The following WHRN variants were observed in gnomAD, a reference collection of about 807,000 sequenced individuals.
The protein encoded by WHRN is whirlin, also known as CASK-interacting protein CIP98.
Under a neutral mutation model 68.3 loss-of-function variants are expected in WHRN, and 41 were observed. The observed-to-expected ratio is 0.60, with a 90% CI of 0.47 to 0.78. The LOEUF (loss-of-function observed/expected upper bound fraction) is 0.78. WHRN is among the 30% of genes least tolerant of loss of function. The probability of loss-of-function intolerance (pLI) is 0.00; values close to 1 mark genes in which losing one functional copy is unlikely to be tolerated. For synonymous variants in WHRN, 560 were observed against 561.3 expected (o/e 1.00, Z 0.03); for missense variants, 1,243 against 1,244.7 (o/e 1.00, Z 0.02).
At position 114,423,493 on chromosome 9, in the gene WHRN, T is replaced by C. The variant is rs761139020; in HGVS notation, c.1447A>G (p.Ile483Val). 2 of 1,611,818 alleles carry C rather than the reference T, an allele frequency of 1.2e-6. No individual in the cohort carries two copies. Among genetic ancestry groups the C allele is most frequent in the South Asian group, 2.2e-5 (2 of 91,034 alleles). ...FSLLSEVRGT[I>V]SPQDLERFDH... ...AAGCGTTCTAGGTCTTGCGGGGAAA[T>C]GGTGCCTCTCACCTCAGAGAGGAGT... is the stretch of plus-strand genomic sequence containing the variant. Residue 483 changes from isoleucine to valine, a missense_variant, in exon 7 of 12, where the codon ATT (isoleucine) becomes GTT (valine). Coordinates refer to ENST00000362057, the MANE Select transcript of WHRN (RefSeq NM_015404.4).
intron 1 of WHRN, among the ~76,000 whole-genome samples, chr9:114,497,265 G>A (rs1363826974): frequency 6.6e-6 from 1 of 152,082 alleles, no homozygotes; most frequent in Non-Finnish European, 1.5e-5. Flanking sequence ...CTCAGGTGGA[G>A]AGAAAAAAAA....
chr9:114,480,971 T>A (rs60029955), intron 1 of WHRN, among the ~76,000 whole-genome samples: 10,611 of 152,188 alleles, frequency 0.07, 1,240 homozygotes, highest in African/African-American at 0.24. Flanking sequence ...TGTTTCTCAA[T>A]ATTTTCTAAA....
chr9:114,403,347 T>C lies in WHRN; in HGVS notation c.2419-8A>G. On this transcript the variant is annotated splice_polypyrimidine_tract_variant and splice_region_variant and intron_variant, in intron 10 of 11. Transcript: ENST00000362057. The stretch of plus-strand genomic sequence containing the variant: ...GGGCTCCAGAAGTCCAGGCTGTGGG[T>C]ATTAGGAAGGACACCACTGAGGCCT... 1 of 1,613,584 alleles carries C rather than the reference T, an allele frequency of 6.2e-7. No homozygotes were observed. Among genetic ancestry groups the C allele is most frequent in the Non-Finnish European group, 8.5e-7 (1 of 1,179,904 alleles).
chr9:114,460,757 G>A (rs1018876234), intron 3 of WHRN, among the ~76,000 whole-genome samples: 3 of 152,184 alleles, frequency 2.0e-5, no homozygotes, highest in Admixed American at 2.0e-4. Context: ...GGAGCTAAGT[G>A]GGCTGAGCAG....
At chr9:114,478,184 AG>A (rs1464398754) in intron 2 of WHRN, 1 of 612,834 alleles carries the variant, frequency 1.6e-6, no homozygotes, top group Non-Finnish European at 2.9e-6. Flanking sequence ...GCTACTCAGG[AG>A]GCTGAGGCAC....
intron 7 of WHRN, among the ~76,000 whole-genome samples, chr9:114,410,684 A>G (rs1835375373): frequency 6.6e-6 from 1 of 152,242 alleles, no homozygotes; most frequent in South Asian, 2.1e-4. Flanking sequence ...CTTCAGGGGC[A>G]TAGTCAGGCA....
intron 7 of WHRN, among the ~76,000 whole-genome samples, chr9:114,417,610 C>G (rs1394912603): frequency 6.6e-6 from 1 of 151,954 alleles, no homozygotes; most frequent in Non-Finnish European, 1.5e-5. Context: ...TGTGTGAGCT[C>G]CATGCAGGAA....
Position 114,402,826 on chromosome 9 carries a change from G to A in WHRN, c.2652C>T (p.Ile884=), listed in dbSNP as rs1474851442. The change falls in exon 12 of 12, where the codon ATC becomes ATT. Residue 884 remains isoleucine (I), a synonymous_variant. Transcript: ENST00000362057. ...GKEHREAARI[I]AEAFKTKDRD... Reference sequence around the variant, plus strand: ...GGTCCTTAGTCTTGAAGGCCTCGGCGATAATGCGGGCGGCCTCCCGGTGCT... The same window carrying A: ...GGTCCTTAGTCTTGAAGGCCTCGGCAATAATGCGGGCGGCCTCCCGGTGCT... The A allele has an allele frequency of 8.7e-6, 14 of 1,614,012 alleles. No homozygotes were observed. In the Admixed American group the frequency reaches 1.7e-4, roughly 19 times the overall value.
At chr9:114,419,041 A>G (rs1283398618) in intron 7 of WHRN, among the ~76,000 whole-genome samples, 1 of 152,118 alleles carries the variant, frequency 6.6e-6, no homozygotes, top group Non-Finnish European at 1.5e-5. Flanking sequence ...GGAAGGGAGG[A>G]GAGAGGCAGA....
At chr9:114,472,980 A>T (rs1170790443) in intron 2 of WHRN, among the ~76,000 whole-genome samples, 1 of 152,218 alleles carries the variant, frequency 6.6e-6, no homozygotes, top group African/African-American at 2.4e-5. Flanking sequence ...CAAGCTTCAA[A>T]CCCAGTGCTG....
chr9:114,468,442 G>C (rs1315175262), intron 2 of WHRN, among the ~76,000 whole-genome samples: 1 of 152,036 alleles, frequency 6.6e-6, no homozygotes, highest in Non-Finnish European at 1.5e-5. Context: ...CCACTGCTTG[G>C]GAACAAAAAG....
intron 3 of WHRN, among the ~76,000 whole-genome samples, chr9:114,454,657 A>ACAATTC (rs1839617947): frequency 6.6e-6 from 1 of 151,522 alleles, no homozygotes; most frequent in African/African-American, 2.4e-5. Context: ...TAGATTCAAC[A>ACAATTC]CAATTCCAAT....
chr9:114,497,516 T>TAA (rs35793267), intron 1 of WHRN, among the ~76,000 whole-genome samples: 82 of 145,150 alleles, frequency 5.6e-4, no homozygotes, highest in Non-Finnish European at 1.0e-3. Flanking sequence ...TTTTTGTTTT[T>TAA]AAAAAAAAAA....
At chr9:114,469,202 G>A (rs567208970) in intron 2 of WHRN, among the ~76,000 whole-genome samples, 165 of 152,332 alleles carry the variant, frequency 1.1e-3, no homozygotes, top group African/African-American at 3.8e-3. Context: ...CAGCAGGTGC[G>A]ACCTGGAAAG....
intron 3 of WHRN, among the ~76,000 whole-genome samples, chr9:114,435,867 T>G (rs1029201805): frequency 6.7e-6 from 1 of 149,498 alleles, no homozygotes; most frequent in African/African-American, 2.5e-5. Flanking sequence ...AACACCTATA[T>G]GAAGAAAACT....
chr9:114,439,631 CACAT>C (rs937779655), intron 3 of WHRN, among the ~76,000 whole-genome samples: 2 of 89,740 alleles, frequency 2.2e-5, no homozygotes, highest in Admixed American at 1.0e-4. Context: ...TATGTACACA[CACAT>C]AGATATATGT....
Position 114,445,115 on chromosome 9 carries a change from C to T in WHRN, c.964-18702G>A, listed in dbSNP as rs544961136. ...GGAGTGCAGTGGTGTGATCTCGGCT[C>T]ACTGCAACCTCCACTTCTTGGGTTC... On this transcript the variant is annotated intron_variant, in intron 3 of 11. Transcript: ENST00000362057. 1.8e-3 allele frequency among the ~76,000 whole-genome samples: 272 copies of T among 150,716 alleles called. 1 individual carries two copies. Among genetic ancestry groups the T allele is most frequent in the African/African-American group, 6.5e-3 (267 of 40,880 alleles).
At chr9:114,438,020 A>G (rs1006275118) in intron 3 of WHRN, among the ~76,000 whole-genome samples, 14 of 152,202 alleles carry the variant, frequency 9.2e-5, no homozygotes, top group African/African-American at 3.4e-4. Flanking sequence ...AACTTCACCC[A>G]TAATAAGAAA....
intron 1 of WHRN, among the ~76,000 whole-genome samples, chr9:114,479,222 G>A (rs1452181476): frequency 6.6e-6 from 1 of 152,206 alleles, no homozygotes; most frequent in African/African-American, 2.4e-5. Context: ...GTGGGTACAA[G>A]TAGACAGGGT....
Sources: allele counts gnomAD v4.1 joint callset (sites outside exome capture counted in the v4.1 genomes callset), GRCh38; gene constraint gnomAD v4.1.1; transcripts MANE v1.5; gene names NCBI Gene and HGNC (gene_info 2026-07-23, HGNC 2026-07-21).